WDR70: variants seen among roughly 807,000 people sequenced by gnomAD.
WDR70 encodes WD repeat domain 70, also known as WD repeat-containing protein 70.
Under a neutral mutation model 88.6 loss-of-function variants are expected in WDR70, and 53 were observed. The observed-to-expected ratio is 0.60, with a 90% CI of 0.48 to 0.75. The LOEUF (loss-of-function observed/expected upper bound fraction) is 0.75. WDR70 is among the 30% of genes least tolerant of loss of function. The pLI, the probability that WDR70 is intolerant of heterozygous loss-of-function variation, is 0.00. For missense variants in WDR70, 610 were observed against 823.2 expected (o/e 0.74, Z 3.17); for synonymous variants, 280 against 270.0 (o/e 1.04, Z -0.36).
intron 9 of WDR70, among the ~76,000 whole-genome samples, chr5:37,550,543 C>A (rs929387260): frequency 3.3e-5 from 5 of 152,200 alleles, no homozygotes; most frequent in African/African-American, 9.7e-5. Context: ...TTTCTGTCAA[C>A]AAAGTATAGC....
At chr5:37,388,387 A>T (rs1455836872) in intron 3 of WDR70, among the ~76,000 whole-genome samples, 1 of 146,210 alleles carries the variant, frequency 6.8e-6, no homozygotes, top group Non-Finnish European at 1.5e-5. Flanking sequence ...AAGTGTTGGG[A>T]TTACAGGCGT....
intron 7 of WDR70, among the ~76,000 whole-genome samples, chr5:37,466,761 C>T (rs1044239434): frequency 2.0e-5 from 3 of 148,966 alleles, no homozygotes; most frequent in Non-Finnish European, 4.5e-5. Flanking sequence ...TTGCACTAGC[C>T]GTATTTCAAA....
At chr5:37,573,428 G>A (rs563482539) in intron 9 of WDR70, among the ~76,000 whole-genome samples, 6 of 151,878 alleles carry the variant, frequency 4.0e-5, no homozygotes, top group East Asian at 3.9e-4. Context: ...TGTGCACAAC[G>A]TGCAGGATTG....
At chr5:37,394,780 C>T (rs965376601) in intron 4 of WDR70, among the ~76,000 whole-genome samples, 1 of 152,128 alleles carries the variant, frequency 6.6e-6, no homozygotes, top group African/African-American at 2.4e-5. Context: ...GTGAACCAAA[C>T]TTAACCTGTT....
intron 17 of WDR70, among the ~76,000 whole-genome samples, chr5:37,750,241 ACTAATAT>A (rs966705710): frequency 2.0e-5 from 3 of 152,146 alleles, no homozygotes; most frequent in Admixed American, 6.5e-5. Flanking sequence ...TATTAAAAAG[ACTAATAT>A]CTTGGCTGGG....
chr5:37,554,584 A>G (rs1001274889), intron 9 of WDR70, among the ~76,000 whole-genome samples: 5 of 152,106 alleles, frequency 3.3e-5, no homozygotes, highest in Non-Finnish European at 5.9e-5. Context: ...AGGCAGAAAT[A>G]AGCAGAAGCA....
chr5:37,528,608 C>A (rs1476473523), intron 9 of WDR70, among the ~76,000 whole-genome samples: 3 of 142,020 alleles, frequency 2.1e-5, no homozygotes, highest in Non-Finnish European at 4.6e-5. Flanking sequence ...TACACATGTA[C>A]CCTAGAACTT....
chr5:37,444,998 C>T (rs188174910), intron 7 of WDR70, among the ~76,000 whole-genome samples: 16 of 152,308 alleles, frequency 1.1e-4, no homozygotes, highest in African/African-American at 2.9e-4. Flanking sequence ...ACCCTCCCAA[C>T]GCCTGCCGTG....
intron 17 of WDR70, among the ~76,000 whole-genome samples, chr5:37,730,800 A>G (rs1386431088): frequency 6.6e-6 from 1 of 152,130 alleles, no homozygotes; most frequent in Non-Finnish European, 1.5e-5. Flanking sequence ...TGCTGGAAAA[A>G]GCCTTTTATT....
At chr5:37,462,357 C>T (rs1179199268) in intron 7 of WDR70, among the ~76,000 whole-genome samples, 1 of 152,080 alleles carries the variant, frequency 6.6e-6, no homozygotes, top group Non-Finnish European at 1.5e-5. Context: ...GGCTGTAGTG[C>T]GGTGGCGTGA....
intron 10 of WDR70, among the ~76,000 whole-genome samples, chr5:37,628,252 G>T (rs1454211460): frequency 1.3e-5 from 2 of 152,232 alleles, no homozygotes; most frequent in African/African-American, 4.8e-5. Flanking sequence ...ATGTTCCTTT[G>T]TTGATTTTCT....
intron 8 of WDR70, among the ~76,000 whole-genome samples, chr5:37,492,064 T>C (rs1055481620): frequency 6.6e-6 from 1 of 152,196 alleles, no homozygotes; most frequent in Admixed American, 6.5e-5. Context: ...CATGGCTTCA[T>C]TCAACAGGGA....
At chr5:37,648,703 A>G (rs1745311566) in intron 10 of WDR70, among the ~76,000 whole-genome samples, 1 of 151,984 alleles carries the variant, frequency 6.6e-6, no homozygotes, top group Non-Finnish European at 1.5e-5. Flanking sequence ...ACTTCTTTGT[A>G]GTTTGTTGTT....
intron 17 of WDR70, among the ~76,000 whole-genome samples, chr5:37,751,889 T>G (rs1486721036): frequency 6.6e-6 from 1 of 152,222 alleles, no homozygotes; most frequent in Non-Finnish European, 1.5e-5. Flanking sequence ...CAGCCATGTA[T>G]CAGTGATGTA....
chr5:37,447,794 C>G (rs147064484), intron 7 of WDR70, among the ~76,000 whole-genome samples: 1 of 151,974 alleles, frequency 6.6e-6, no homozygotes, highest in Non-Finnish European at 1.5e-5. Context: ...TCATGGGATG[C>G]GGGGAGGAGG....
At chr5:37,461,294 C>T (rs956500874) in intron 7 of WDR70, among the ~76,000 whole-genome samples, 1 of 152,060 alleles carries the variant, frequency 6.6e-6, no homozygotes, top group Non-Finnish European at 1.5e-5. Flanking sequence ...TATTTACGCT[C>T]TCTGCCTGGT....
chr5:37,617,275 A>G (rs917525857), intron 10 of WDR70, among the ~76,000 whole-genome samples: 1 of 152,172 alleles, frequency 6.6e-6, no homozygotes, highest in Non-Finnish European at 1.5e-5. Context: ...TGCACTCCAA[A>G]ATTTCACTGC....
At chr5:37,556,812 CTATAACA>C (rs1055190562) in intron 9 of WDR70, among the ~76,000 whole-genome samples, 6 of 152,100 alleles carry the variant, frequency 3.9e-5, no homozygotes, top group African/African-American at 1.4e-4. Context: ...CAAAACCCTT[CTATAACA>C]CTATAAAAGG....
chr5:37,527,676 A>G (rs1028537392), intron 9 of WDR70, among the ~76,000 whole-genome samples: 1 of 152,216 alleles, frequency 6.6e-6, no homozygotes, highest in Non-Finnish European at 1.5e-5. Context: ...AAAAGAAACT[A>G]CCATCAGAGT....
Sources: gnomAD v4.1 joint callset for allele counts (sites outside exome capture counted in the v4.1 genomes callset) on GRCh38, gnomAD v4.1.1 for gene constraint, MANE v1.5 for transcripts, NCBI Gene and HGNC (gene_info 2026-07-23, HGNC 2026-07-21) for gene names.